Variants in LUZP2 observed in about 807,000 individuals in gnomAD.
The protein encoded by LUZP2 is leucine zipper protein 2.
A neutral mutation model predicts 51.6 loss-of-function variants in LUZP2; 52 were observed. The observed-to-expected ratio is 1.01, with a 90% confidence interval of 0.81 to 1.27. The LOEUF (loss-of-function observed/expected upper bound fraction) is 1.27. Among genes scored for constraint, LUZP2 ranks in the 50% most tolerant of loss-of-function variants. LUZP2 has a pLI of 0.00. For synonymous variants in LUZP2, 154 were observed against 137.3 expected, an observed-to-expected ratio of 1.12 and a Z score of -0.85; for missense variants, 436 against 395.4, an observed-to-expected ratio of 1.10 and a Z score of -0.87.
intron 1 of LUZP2, among the ~76,000 whole-genome samples, chr11:24,551,058 GA>G (rs1851710370): frequency 6.6e-6 from 1 of 151,888 alleles, no homozygotes; most frequent in Admixed American, 6.6e-5. Context: ...TAGAAGAGGG[GA>G]AAAATATCTT....
chr11:25,023,665 C>T (rs527463177), intron 9 of LUZP2, among the ~76,000 whole-genome samples: 9 of 152,014 alleles, frequency 5.9e-5, no homozygotes, highest in African/African-American at 2.2e-4. Context: ...TTATTTCTTG[C>T]CTTCTGCTAG....
At chr11:25,042,784 A>T (rs1596855) in intron 9 of LUZP2, among the ~76,000 whole-genome samples, 72,475 of 151,850 alleles carry the variant, frequency 0.48, 17,598 homozygotes, top group Non-Finnish European at 0.51. Context: ...CTTCTATTCC[A>T]TGTTTCTGTG....
chr11:24,901,424 A>G (rs1298122435), intron 5 of LUZP2, among the ~76,000 whole-genome samples: 1 of 152,004 alleles, frequency 6.6e-6, no homozygotes, highest in African/African-American at 2.4e-5. Context: ...GGTAACTTGA[A>G]GAGGATTATA....
intron 7 of LUZP2, among the ~76,000 whole-genome samples, chr11:24,968,716 G>C (rs1305596693): frequency 6.6e-6 from 1 of 152,150 alleles, no homozygotes; most frequent in African/African-American, 2.4e-5. Flanking sequence ...CTGATGCCCT[G>C]TCCCGCATAT....
At chr11:24,995,642 A>G (rs1856471339) in intron 9 of LUZP2, among the ~76,000 whole-genome samples, 2 of 152,112 alleles carry the variant, frequency 1.3e-5, no homozygotes, top group South Asian at 4.1e-4. Flanking sequence ...ATGTCACCCC[A>G]TTGCCTTCTA....
intron 5 of LUZP2, among the ~76,000 whole-genome samples, chr11:24,855,911 C>A (rs141966015): frequency 1.3e-5 from 2 of 152,102 alleles, no homozygotes; most frequent in East Asian, 3.9e-4. Flanking sequence ...TTGTCATATG[C>A]AGAAAAATGA....
chr11:24,817,800 T>C (rs1292978315), intron 5 of LUZP2, among the ~76,000 whole-genome samples: 1 of 152,064 alleles, frequency 6.6e-6, no homozygotes, highest in Non-Finnish European at 1.5e-5. Context: ...GAAATGGTAT[T>C]ACTAAGTGCA....
chr11:24,673,705 G>A (rs1312557049), intron 1 of LUZP2, among the ~76,000 whole-genome samples: 1 of 152,170 alleles, frequency 6.6e-6, no homozygotes, highest in Non-Finnish European at 1.5e-5. Context: ...GATATGACAT[G>A]TACACATGGT....
chr11:24,562,728 G>C lies in LUZP2; in HGVS notation c.62+65423G>C, dbSNP rs757523355. On this transcript the variant is annotated intron_variant, in intron 1 of 11. Transcript: ENST00000336930. ...AAAAAAAAAATTACCTGGGCGTGGTGGTGGGCGCCTGTAGTCCTAGCTACT... is the reference window on the plus strand; with the variant it reads ...AAAAAAAAAATTACCTGGGCGTGGTCGTGGGCGCCTGTAGTCCTAGCTACT... Among the ~76,000 whole-genome samples, 4 of 151,504 alleles carry C rather than the reference G, an allele frequency of 2.6e-5. No individual in the cohort carries two copies. In the East Asian group the frequency reaches 5.8e-4, roughly 22 times the overall value.
chr11:24,769,055 T>C (rs1311182921), intron 5 of LUZP2, among the ~76,000 whole-genome samples: 1 of 152,176 alleles, frequency 6.6e-6, no homozygotes, highest in Non-Finnish European at 1.5e-5. Flanking sequence ...TATTCAGCTA[T>C]TAAAAAGAAT....
At chr11:24,638,432 G>A (rs1241839316) in intron 1 of LUZP2, among the ~76,000 whole-genome samples, 1 of 151,062 alleles carries the variant, frequency 6.6e-6, no homozygotes, top group Non-Finnish European at 1.5e-5. Flanking sequence ...CCAAATTCTA[G>A]GACACTTTAA....
intron 1 of LUZP2, among the ~76,000 whole-genome samples, chr11:24,676,470 G>T (rs1856554951): frequency 6.6e-6 from 1 of 152,096 alleles, no homozygotes; most frequent in African/African-American, 2.4e-5. Context: ...TATCATTAAA[G>T]TGTAGCAATC....
At chr11:24,676,661 G>GTT (rs1387919524) in intron 1 of LUZP2, among the ~76,000 whole-genome samples, 2 of 97,686 alleles carry the variant, frequency 2.0e-5, no homozygotes, top group Non-Finnish European at 4.4e-5. Flanking sequence ...GTTTTTGTTT[G>GTT]TTTTTTTTTT....
chr11:24,686,726 G>A (rs774866747), intron 1 of LUZP2, among the ~76,000 whole-genome samples: 4 of 152,066 alleles, frequency 2.6e-5, no homozygotes, highest in Non-Finnish European at 5.9e-5. Flanking sequence ...CAGTGCTAAT[G>A]AGAACAGCGA....
rs564601989 is a variant in LUZP2, at chr11:24,555,786, G to A, written c.62+58481G>A. Among the ~76,000 whole-genome samples, 7 of 152,218 alleles carry A rather than the reference G, an allele frequency of 4.6e-5. No homozygotes were observed. The East Asian group carries it at 1.4e-3, about 29-fold the overall frequency. ...GTACAGTAGTTCAAGACCAGCTTGG[G>A]CAACATAGTGAGACCCTTTCTCTAC... On this transcript the variant is annotated intron_variant, in intron 1 of 11. Transcript: ENST00000336930.
intron 9 of LUZP2, among the ~76,000 whole-genome samples, chr11:25,017,030 C>G (rs1857180135): frequency 6.6e-6 from 1 of 151,854 alleles, no homozygotes; most frequent in South Asian, 2.1e-4. Flanking sequence ...ATTAGTGATG[C>G]TGAGGATTTT....
intron 5 of LUZP2, among the ~76,000 whole-genome samples, chr11:24,884,638 A>C (rs925087351): frequency 1.3e-5 from 2 of 152,002 alleles, no homozygotes; most frequent in South Asian, 4.1e-4. Context: ...GCATGATTTC[A>C]CTGAATATCC....
chr11:24,652,332 A>C (rs768954894), intron 1 of LUZP2, among the ~76,000 whole-genome samples: 2 of 152,138 alleles, frequency 1.3e-5, no homozygotes, highest in Non-Finnish European at 2.9e-5. Flanking sequence ...TTAAGAAGAT[A>C]CGTGTTAAAA....
At chr11:24,690,281 G>A (rs2133887291) in intron 1 of LUZP2, among the ~76,000 whole-genome samples, 1 of 152,120 alleles carries the variant, frequency 6.6e-6, no homozygotes, top group South Asian at 2.1e-4. Context: ...AGTCTTCAAG[G>A]TAAGAAGGCT....
Sources: gnomAD v4.1 joint callset for allele counts (sites outside exome capture counted in the v4.1 genomes callset) on GRCh38, gnomAD v4.1.1 for gene constraint, MANE v1.5 for transcripts, NCBI Gene and HGNC (gene_info 2026-07-23, HGNC 2026-07-21) for gene names.